Variants in ZFYVE26 observed in about 807,000 individuals in gnomAD.
The protein encoded by ZFYVE26 is zinc finger FYVE domain-containing protein 26.
In ZFYVE26, 181 loss-of-function variants were observed where a neutral mutation model predicts 276.5. That is an observed-to-expected ratio of 0.65 (90% CI 0.58 to 0.74). The LOEUF (loss-of-function observed/expected upper bound fraction) is 0.74, where lower values mean the gene tolerates loss of function less well. Among genes scored for constraint, ZFYVE26 ranks in the 30% least tolerant of loss-of-function variants. The pLI is 0.00. For synonymous variants in ZFYVE26, 1,129 were observed against 1,203.1 expected (o/e 0.94, Z 1.27); for missense variants, 2,821 against 3,097.9 (o/e 0.91, Z 2.12).
At chr14:67,768,639 C>T in intron 29 of ZFYVE26, 91 bp from the exon 30 acceptor site, 1 of 1,275,800 alleles carries the variant, frequency 7.8e-7, no homozygotes. Context: ...ACAGTGTCTC[C>T]CTGGTACAAT....
intron 12 of ZFYVE26, among the ~76,000 whole-genome samples, chr14:67,795,528 G>GTCA (rs2039934143): frequency 6.6e-6 from 1 of 152,094 alleles, no homozygotes; most frequent in African/African-American, 2.4e-5. Context: ...TATCTAAGCA[G>GTCA]GTACATTACA....
rs373749253 is a variant in ZFYVE26, at chr14:67,759,010, C to T, written c.6588+2356G>A. 9.3e-4 allele frequency among the ~76,000 whole-genome samples: 140 copies of T among 150,166 alleles called. 1 individual carries two copies. The highest frequency in any genetic ancestry group is 2.6e-3 in the African/African-American group (108 of 40,866). On this transcript the variant is annotated intron_variant, in intron 35 of 41. Transcript: ENST00000347230. ...ATCCCAGCACTTTGGGAGGCCGAGG[C>T]GGGCAGATCACAAGGTCAGGAGATT...
chr14:67,730,680 T>G (rs1206387781), intron 13 of ZFYVE26, among the ~76,000 whole-genome samples: 1 of 152,214 alleles, frequency 6.6e-6, no homozygotes, highest in African/African-American at 2.4e-5. Context: ...CTTGGCTCAC[T>G]GCAACTTCAG....
At chr14:67,815,473 A>G (rs891535212) in intron 2 of ZFYVE26, 2 of 423,186 alleles carry the variant, frequency 4.7e-6, no homozygotes, top group Admixed American at 3.6e-5. Flanking sequence ...GGAGGCAAAG[A>G]AAATAGTTTT....
chr14:67,793,495 C>A, intron 14 of ZFYVE26, 113 bp downstream of exon 14: 2 of 1,240,308 alleles, frequency 1.6e-6, no homozygotes, highest in Non-Finnish European at 2.3e-6. Context: ...GCTTCTGCTT[C>A]TTCTGCTTGA....
intron 38 of ZFYVE26, 37 bp from the exon 39 acceptor site, chr14:67,753,803 A>G (rs372617687): frequency 2.1e-5 from 34 of 1,605,634 alleles, no homozygotes; most frequent in Non-Finnish European, 2.8e-5. Flanking sequence ...AAAACATGGC[A>G]ATTACTAGAG....
chr14:67,767,972 C>G (rs2039102710), intron 30 of ZFYVE26, 132 bp from the exon 31 acceptor site: 1 of 1,310,458 alleles, frequency 7.6e-7, no homozygotes, highest in African/African-American at 1.4e-5. Flanking sequence ...CTCCTTGGTT[C>G]CTTTTGTTTG....
chr14:67,729,357 G>A lies in ZFYVE26; in HGVS notation n.3142C>T, dbSNP rs376224342. Reference sequence around the variant, plus strand: ...ACTGCGCCCTGGCTGAGGGCCTGGAGCCCCTGAGTGGCAAGTACTTCAGGT... The same window carrying A: ...ACTGCGCCCTGGCTGAGGGCCTGGAACCCCTGAGTGGCAAGTACTTCAGGT... On this transcript the variant is annotated non_coding_transcript_exon_variant, in exon 14 of 15. Transcript: ENST00000394455. 4 of 1,597,886 alleles carry A rather than the reference G, an allele frequency of 2.5e-6. No individual in the cohort carries two copies. The Admixed American group carries it at 5.0e-5, about 20-fold the overall frequency.
downstream of ZFYVE26, among the ~76,000 whole-genome samples, chr14:67,744,400 T>C (rs2038455683): frequency 6.6e-6 from 1 of 152,092 alleles, no homozygotes; most frequent in African/African-American, 2.4e-5. Context: ...ATTTTTAAAT[T>C]TATTTATTAT....
In ZFYVE26 at chr14:67,756,100, A is replaced by T; in HGVS notation, c.6634T>A (p.Tyr2212Asn). 1.2e-6 allele frequency: 2 copies of T among 1,614,198 alleles called. No individual in the cohort carries two copies. The highest frequency in any genetic ancestry group is 1.7e-6 in the Non-Finnish European group (2 of 1,180,028). Residue 2212 changes from tyrosine (Y) to asparagine (N), a missense_variant, in exon 36 of 42, where the codon TAT becomes AAT. Coordinates refer to ENST00000347230, the MANE Select transcript of ZFYVE26 (RefSeq NM_015346.4). ...AAAGTGTGTAGCTTCCCACTTTTAT[A>T]GCTTGGTTGGAAAATGCCTTCTATA... Reference protein sequence around the residue: ...VFIEGIFQPSYKSGKLHTLEN... With the variant: ...VFIEGIFQPSNKSGKLHTLEN...
chr14:67,767,608 TA>T, intron 31 of ZFYVE26, 95 bp downstream of exon 31: 1 of 1,542,276 alleles, frequency 6.5e-7, no homozygotes, highest in South Asian at 1.1e-5. Flanking sequence ...TATAAACAAG[TA>T]AAGGCCAGGT....
chr14:67,789,997 AAATTTCTGGGAT>A (rs2039767857), intron 15 of ZFYVE26, among the ~76,000 whole-genome samples: 1 of 152,232 alleles, frequency 6.6e-6, no homozygotes, highest in Admixed American at 6.5e-5. Context: ...TAGGCATAGA[AAATTTCTGGGAT>A]AATATATAGG....
At chr14:67,752,673 A>C in intron 39 of ZFYVE26, 147 bp from the exon 40 acceptor site, 1 of 907,640 alleles carries the variant, frequency 1.1e-6, no homozygotes, top group South Asian at 1.4e-5. Flanking sequence ...TACCAAACAA[A>C]AAGCAAGCGT....
chr14:67,753,907 A>G, intron 38 of ZFYVE26, 141 bp from the exon 39 acceptor site: 1 of 1,489,436 alleles, frequency 6.7e-7, no homozygotes, highest in Non-Finnish European at 9.3e-7. Flanking sequence ...TAGGGATATA[A>G]GAATGATCAA....
intron 6 of ZFYVE26, among the ~76,000 whole-genome samples, chr14:67,805,874 G>C (rs1472333726): frequency 1.3e-5 from 2 of 152,038 alleles, no homozygotes; most frequent in African/African-American, 4.8e-5. Flanking sequence ...ACTAAAAATA[G>C]AAAATTAGCC....
intron 2 of ZFYVE26, among the ~76,000 whole-genome samples, chr14:67,814,275 T>C (rs1330063977): frequency 6.6e-6 from 1 of 152,098 alleles, no homozygotes; most frequent in Non-Finnish European, 1.5e-5. Flanking sequence ...TCTCAGCACT[T>C]TGGGAGGCTG....
intron 35 of ZFYVE26, among the ~76,000 whole-genome samples, chr14:67,758,352 C>T (rs1340974414): frequency 3.3e-5 from 5 of 152,162 alleles, no homozygotes; most frequent in African/African-American, 9.7e-5. Context: ...AGAGATAGAA[C>T]ACCTCAGAAG....
At chr14:67,798,938 T>C in intron 10 of ZFYVE26, 2 of 1,105,386 alleles carry the variant, frequency 1.8e-6, no homozygotes, top group Non-Finnish European at 2.7e-6. Context: ...GCGCCTCTGA[T>C]CTTTATTTCT....
At chr14:67,751,729 C>T (rs1020777916) in intron 40 of ZFYVE26, among the ~76,000 whole-genome samples, 15 of 151,936 alleles carry the variant, frequency 9.9e-5, no homozygotes, top group African/African-American at 1.4e-4. Flanking sequence ...AAAAATTAGC[C>T]GGGCGTGGTG....
Sources: allele counts gnomAD v4.1 joint callset (sites outside exome capture counted in the v4.1 genomes callset), GRCh38; gene constraint gnomAD v4.1.1; transcripts MANE v1.5; gene names NCBI Gene and HGNC (gene_info 2026-07-23, HGNC 2026-07-21).